Variants in ZDHHC17 observed in about 807,000 individuals in gnomAD.
ZDHHC17 encodes palmitoyltransferase ZDHHC17.
ZDHHC17 carries 40 observed loss-of-function variants against 90.3 expected under a neutral mutation model. That is an observed-to-expected ratio of 0.44 (90% CI 0.34 to 0.58). The LOEUF is 0.58. Among genes scored for constraint, ZDHHC17 ranks in the 20% least tolerant of loss-of-function variants. ZDHHC17 has a pLI of 0.01. For synonymous variants in ZDHHC17, 235 were observed against 252.4 expected, an observed-to-expected ratio of 0.93 and a Z score of 0.65; for missense variants, 614 against 780.8, an observed-to-expected ratio of 0.79 and a Z score of 2.55.
intron 10 of ZDHHC17, among the ~76,000 whole-genome samples, chr12:76,839,569 T>C (rs769062272): frequency 5.9e-5 from 9 of 152,196 alleles, no homozygotes; most frequent in Non-Finnish European, 1.2e-4. Flanking sequence ...CTGCATTTCA[T>C]AGCAGACATC....
intron 7 of ZDHHC17, among the ~76,000 whole-genome samples, chr12:76,821,892 G>A (rs540209436): frequency 6.6e-6 from 1 of 152,058 alleles, no homozygotes; most frequent in African/African-American, 2.4e-5. Context: ...GAAACTTCTG[G>A]GTGGGTGAAT....
At chr12:76,780,537 C>T (rs569850449) in intron 1 of ZDHHC17, among the ~76,000 whole-genome samples, 66 of 152,276 alleles carry the variant, frequency 4.3e-4, no homozygotes, top group Non-Finnish European at 5.7e-4. Flanking sequence ...TTCTGGCTAC[C>T]GCCCAACTTC....
rs147791293 is a variant in ZDHHC17, at chr12:76,764,884, TAAGAA to T, written c.93+556_93+560del. 4.9e-3 allele frequency: 2,227 copies of T among 455,676 alleles called. 35 individuals are homozygous for T. The highest frequency in any genetic ancestry group is 0.04 in the African/African-American group (2,008 of 50,104). The allele number at this position is 455,676 out of a possible 1,614,324, so 28.2% of individuals were successfully genotyped here. On this transcript the variant is annotated intron_variant, in intron 1 of 16. Coordinates refer to ENST00000426126, the MANE Select transcript of ZDHHC17 (RefSeq NM_015336.4). ...TTTTGAGCATTTGTCCTTAAGCGAT[TAAGAA>T]GAGAGGTAAAAACTTTTGGGAATAG...
chr12:76,816,894 T>A (rs2137771695), intron 7 of ZDHHC17, among the ~76,000 whole-genome samples: 1 of 152,162 alleles, frequency 6.6e-6, no homozygotes, highest in Admixed American at 6.5e-5. Context: ...CATAAGAGAT[T>A]GATAAAATCA....
chr12:76,819,725 T>C (rs969769727), intron 7 of ZDHHC17, among the ~76,000 whole-genome samples: 6 of 152,128 alleles, frequency 3.9e-5, no homozygotes, highest in African/African-American at 1.4e-4. Flanking sequence ...GGCCGGGCAC[T>C]GTGGCTCATG....
chr12:76,776,460 T>C (rs1049841399), intron 1 of ZDHHC17, among the ~76,000 whole-genome samples: 6 of 152,200 alleles, frequency 3.9e-5, no homozygotes, highest in African/African-American at 9.7e-5. Context: ...TACATTTAAA[T>C]ATATATTTTA....
intron 1 of ZDHHC17, among the ~76,000 whole-genome samples, chr12:76,793,484 C>T (rs1031490627): frequency 2.0e-5 from 3 of 152,226 alleles, no homozygotes; most frequent in Non-Finnish European, 4.4e-5. Flanking sequence ...CATGCCACTG[C>T]ACTCCAGCCT....
At position 76,809,838 on chromosome 12, in the gene ZDHHC17, ATC is replaced by A; in HGVS notation, c.527_528del (p.Leu176HisfsTer24). ...TTCGGACATACCTCAATTGTTGCTT[ATC>A]TCATAGCAAAAGGACAGGTAAAAAA... On this transcript the variant is annotated frameshift_variant, in exon 5 of 17. Coordinates refer to ENST00000426126, the MANE Select transcript of ZDHHC17 (RefSeq NM_015336.4). LOFTEE classifies it high-confidence loss of function. The A allele has an allele frequency of 6.2e-7, 1 of 1,611,314 alleles. No individual in the cohort carries two copies. Among genetic ancestry groups the A allele is most frequent in the Non-Finnish European group, 8.5e-7 (1 of 1,178,690 alleles).
At chr12:76,849,321 C>CT in intron 15 of ZDHHC17, 55 bp from the exon 16 acceptor site, 1 of 337,864 alleles carries the variant, frequency 3.0e-6, no homozygotes, top group Non-Finnish European at 4.4e-6. Flanking sequence ...AAGGTCCTGT[C>CT]TCAAAAAAAA....
chr12:76,807,721 A>T (rs1278631376), intron 3 of ZDHHC17, among the ~76,000 whole-genome samples: 1 of 152,162 alleles, frequency 6.6e-6, no homozygotes, highest in Admixed American at 6.5e-5. Flanking sequence ...CCTAGTGATG[A>T]TTTAAATTCT....
intron 7 of ZDHHC17, among the ~76,000 whole-genome samples, chr12:76,822,050 G>A (rs918891574): frequency 6.6e-6 from 1 of 152,056 alleles, no homozygotes; most frequent in Admixed American, 6.6e-5. Context: ...AAGGTGTTTT[G>A]TAGCAATAAC....
chr12:76,764,412 G>C (rs1329566377), intron 1 of ZDHHC17, 83 bp downstream of exon 1: 1 of 1,330,536 alleles, frequency 7.5e-7, no homozygotes, highest in Non-Finnish European at 1.0e-6. Context: ...GGCGGCCGAC[G>C]TGTGTGGGGT....
intron 5 of ZDHHC17, among the ~76,000 whole-genome samples, chr12:76,812,515 T>C (rs1294006467): frequency 6.6e-6 from 1 of 152,168 alleles, no homozygotes; most frequent in Non-Finnish European, 1.5e-5. Context: ...TTAGCATATT[T>C]TTATTTCTTC....
In ZDHHC17 at chr12:76,822,537, C is replaced by T. The variant is rs1191330033; in HGVS notation, c.897+6C>T. ...GAAAGCTGAAAGCTGATAAGGTAAACTCATAACTGAAGATTTTTTTTTTTT... is the reference window on the plus strand; with the variant it reads ...GAAAGCTGAAAGCTGATAAGGTAAATTCATAACTGAAGATTTTTTTTTTTT... On this transcript the variant is annotated splice_donor_region_variant and intron_variant, in intron 8 of 16. Coordinates refer to ENST00000426126, the MANE Select transcript of ZDHHC17 (RefSeq NM_015336.4). 1.4e-6 allele frequency: 2 copies of T among 1,461,268 alleles called. No individual in the cohort carries two copies. Among genetic ancestry groups the T allele is most frequent in the Non-Finnish European group, 1.9e-6 (2 of 1,071,580 alleles). 90.5% of individuals were successfully genotyped at this position (1,461,268 alleles called of 1,614,324 possible).
intron 3 of ZDHHC17, among the ~76,000 whole-genome samples, chr12:76,808,753 T>C (rs1952984360): frequency 6.6e-6 from 1 of 152,132 alleles, no homozygotes; most frequent in Non-Finnish European, 1.5e-5. Flanking sequence ...ATTCAAATCT[T>C]TGTAGTTCCT....
At chr12:76,808,720 A>T (rs1952983779) in intron 3 of ZDHHC17, among the ~76,000 whole-genome samples, 1 of 151,958 alleles carries the variant, frequency 6.6e-6, no homozygotes, top group South Asian at 2.1e-4. Flanking sequence ...AACTATTCTA[A>T]TTTCAAGTTT....
Position 76,851,099 on chromosome 12 carries a change from G to A in ZDHHC17, c.*114G>A, listed in dbSNP as rs1474673689. On this transcript the variant is annotated 3_prime_UTR_variant, in exon 17 of 17. Coordinates refer to ENST00000426126, the MANE Select transcript of ZDHHC17 (RefSeq NM_015336.4). ...TGAACAAGAGCATGCTATGTGTAGG[G>A]CTAATGGTGAATTTTACAGTCTTTT... 1 of 1,293,160 alleles carries A rather than the reference G, an allele frequency of 7.7e-7. No individual in the cohort carries two copies. Among genetic ancestry groups the A allele is most frequent in the Non-Finnish European group, 1.1e-6 (1 of 951,142 alleles). 80.1% of individuals were successfully genotyped at this position (1,293,160 alleles called of 1,614,324 possible).
intron 5 of ZDHHC17, among the ~76,000 whole-genome samples, chr12:76,810,544 ATTG>A (rs1381508334): frequency 1.3e-5 from 2 of 152,188 alleles, no homozygotes; most frequent in Non-Finnish European, 2.9e-5. Context: ...ACATGTATTT[ATTG>A]TTAATTTAAA....
At chr12:76,786,155 C>G (rs934250347) in intron 1 of ZDHHC17, among the ~76,000 whole-genome samples, 1 of 149,478 alleles carries the variant, frequency 6.7e-6, no homozygotes, top group African/African-American at 2.5e-5. Flanking sequence ...GGATCTTGCT[C>G]TGTTGCCCAG....
Sources: allele counts gnomAD v4.1 joint callset (sites outside exome capture counted in the v4.1 genomes callset), GRCh38; gene constraint gnomAD v4.1.1; transcripts MANE v1.5; gene names NCBI Gene and HGNC (gene_info 2026-07-23, HGNC 2026-07-21).